MARS1: variants seen among roughly 807,000 people sequenced by gnomAD.
MARS1 encodes methionyl-tRNA synthetase 1.
In MARS1, 80 loss-of-function variants were observed where a neutral mutation model predicts 119.5. That is an observed-to-expected ratio of 0.67 (90% CI 0.56 to 0.81). The LOEUF is 0.81. Among genes scored for constraint, MARS1 ranks in the 30% least tolerant of loss-of-function variants. The pLI is 0.00. For missense variants in MARS1, 945 were observed against 1,116.5 expected, an observed-to-expected ratio of 0.85 and a Z score of 2.19; for synonymous variants, 418 against 433.4, an observed-to-expected ratio of 0.96 and a Z score of 0.44.
chr12:57,506,264 G>C (rs1234247323), intron 11 of MARS1, among the ~76,000 whole-genome samples: 1 of 151,662 alleles, frequency 6.6e-6, no homozygotes, highest in Non-Finnish European at 1.5e-5. Flanking sequence ...GTATCAAAAA[G>C]AAAAAAAGAA....
At chr12:57,513,096 A>G (rs1043829339) in intron 15 of MARS1, 132 bp downstream of exon 15, 15 of 716,392 alleles carry the variant, frequency 2.1e-5, no homozygotes, top group Admixed American at 4.5e-5. Flanking sequence ...GTTGATTTCT[A>G]TTAATTGGGA....
chr12:57,495,382 G>C (rs1876558033), intron 7 of MARS1, among the ~76,000 whole-genome samples: 1 of 145,920 alleles, frequency 6.9e-6, no homozygotes, highest in East Asian at 1.9e-4. Flanking sequence ...CCGGGCAGAG[G>C]CGCTCCTCAC....
chr12:57,515,498 C>T, intron 18 of MARS1, 162 bp downstream of exon 18: 1 of 669,014 alleles, frequency 1.5e-6, no homozygotes, highest in South Asian at 1.9e-5. Flanking sequence ...CCGGAATTAT[C>T]TGTACATCTT....
chr12:57,490,070 C>G (rs1303138713), intron 5 of MARS1, 99 bp downstream of exon 5: 8 of 1,430,468 alleles, frequency 5.6e-6, no homozygotes, highest in Non-Finnish European at 7.9e-6. Context: ...TACAGCTTGA[C>G]TGGGCAACTA....
At chr12:57,488,553 T>C in intron 1 of MARS1, 2 of 1,547,128 alleles carry the variant, frequency 1.3e-6, no homozygotes, top group Non-Finnish European at 1.7e-6. Context: ...CACCCTTTTG[T>C]GTTCTTAGGA....
chr12:57,498,480 A>G lies in MARS1; in HGVS notation c.948A>G (p.Thr316=). 6.2e-7 allele frequency: 1 copy of G among 1,614,236 alleles called. No homozygotes were observed. The highest frequency in any genetic ancestry group is 8.5e-7 in the Non-Finnish European group (1 of 1,180,036). ...LYLCGTDEYG[T]ATETKALEEG... ...TGTGTGGGACAGATGAGTATGGTAC[A>G]GCAACAGAGACCAAGGCTCTGGAGG... Residue 316 remains threonine, a synonymous_variant, in exon 9 of 21, where the codon ACA becomes ACG. Coordinates refer to ENST00000262027, the MANE Select transcript of MARS1 (RefSeq NM_004990.4).
chr12:57,513,385 G>C (rs1877616631), intron 15 of MARS1, among the ~76,000 whole-genome samples: 1 of 152,058 alleles, frequency 6.6e-6, no homozygotes, highest in South Asian at 2.1e-4. Flanking sequence ...TTGGGAGGCT[G>C]AGGCAGGAGG....
chr12:57,488,284 C>T, intron 1 of MARS1, 85 bp downstream of exon 1: 1 of 1,310,492 alleles, frequency 7.6e-7, no homozygotes, highest in Non-Finnish European at 1.1e-6. Flanking sequence ...TTGCCAAACC[C>T]CTAGCCCTCG....
chr12:57,512,541 A>C (rs1877571736), intron 14 of MARS1, 188 bp downstream of exon 14: 6 of 643,696 alleles, frequency 9.3e-6, no homozygotes, highest in Non-Finnish European at 1.6e-5. Context: ...CTAAAGCTAA[A>C]ACTCTTTAGT....
chr12:57,493,932 T>A (rs1212327886), intron 7 of MARS1, among the ~76,000 whole-genome samples: 2 of 66,184 alleles, frequency 3.0e-5, no homozygotes, highest in African/African-American at 7.1e-5. Context: ...TAATATATAT[T>A]ATATATTATA....
chr12:57,493,403 T>A (rs58533497), intron 7 of MARS1, among the ~76,000 whole-genome samples: 2 of 1,214 alleles, frequency 1.6e-3, no homozygotes, highest in African/African-American at 2.0e-3. Flanking sequence ...ATATAATATA[T>A]GTTATATAAT....
chr12:57,495,924 G>A (rs1012015764), intron 7 of MARS1, among the ~76,000 whole-genome samples: 3 of 152,254 alleles, frequency 2.0e-5, no homozygotes, highest in Non-Finnish European at 4.4e-5. Context: ...CAGGCAGGGA[G>A]GTTGCAGTGA....
At chr12:57,498,767 A>G in intron 9 of MARS1, 144 bp downstream of exon 9, 2 of 751,934 alleles carry the variant, frequency 2.7e-6, no homozygotes, top group African/African-American at 1.7e-5. Flanking sequence ...GCAGTTATCC[A>G]GGCATTTTTG....
At chr12:57,514,884 G>T in intron 16 of MARS1, 33 bp downstream of exon 16, 1 of 1,613,198 alleles carries the variant, frequency 6.2e-7, no homozygotes, top group Non-Finnish European at 8.5e-7. Context: ...TTTTCTGCTG[G>T]CATGTTGAGA....
At chr12:57,494,649 C>G (rs1293391741) in intron 7 of MARS1, among the ~76,000 whole-genome samples, 1 of 151,782 alleles carries the variant, frequency 6.6e-6, no homozygotes, top group Non-Finnish European at 1.5e-5. Context: ...GCAGAGGACC[C>G]TGCAGCCTTC....
chr12:57,490,962 C>T (rs1261256418), intron 7 of MARS1, among the ~76,000 whole-genome samples: 2 of 150,224 alleles, frequency 1.3e-5, no homozygotes, highest in Non-Finnish European at 3.0e-5. Flanking sequence ...CTGCAACCTC[C>T]GCCTCCCGGG....
At chr12:57,489,385 T>C (rs1565636760) in intron 3 of MARS1, 39 bp from the exon 4 acceptor site, 6 of 1,614,074 alleles carry the variant, frequency 3.7e-6, no homozygotes, top group Non-Finnish European at 5.1e-6. Context: ...AGGCCCTTGT[T>C]CTGCGTGGCC....
At position 57,514,790 on chromosome 12, in the gene MARS1, C is replaced by A; in HGVS notation, c.2038C>A (p.Arg680Ser). 1 of 1,614,192 alleles carries A rather than the reference C, an allele frequency of 6.2e-7. No individual in the cohort carries two copies. Among genetic ancestry groups the A allele is most frequent in the Non-Finnish European group, 8.5e-7 (1 of 1,180,032 alleles). Reference protein sequence around the residue: ...PEMVLTPDDQRLLAHVTLELQ... With the variant: ...PEMVLTPDDQSLLAHVTLELQ... ...GATGGTGCTCACCCCTGATGATCAG[C>A]GCCTGCTGGCCCATGTCACCCTGGA... is the stretch of plus-strand genomic sequence containing the variant. The change falls in exon 16 of 21, where the codon CGC becomes AGC. Residue 680 changes from arginine to serine, a missense_variant. Physicochemically the swap from Arg to Ser is moderately radical, Grantham distance 110. Coordinates refer to ENST00000262027, the MANE Select transcript of MARS1 (RefSeq NM_004990.4).
rs769353451 is a variant in MARS1 at position 57,511,998 on chromosome 12, T to C, written c.1540-10T>C. ...GGTCCCTAACATGTTTACCTCCTTC[T>C]GACCTCCAGGTATTCTATGTCTGGT... is the stretch of plus-strand genomic sequence containing the variant. On this transcript the variant is annotated splice_polypyrimidine_tract_variant and intron_variant, in intron 12 of 20. Coordinates refer to ENST00000262027, the MANE Select transcript of MARS1 (RefSeq NM_004990.4). 1 of 1,613,376 alleles carries C rather than the reference T, an allele frequency of 6.2e-7. No homozygotes were observed. Among genetic ancestry groups the C allele is most frequent in the East Asian group, 2.2e-5 (1 of 44,888 alleles).
Sources: allele counts gnomAD v4.1 joint callset (sites outside exome capture counted in the v4.1 genomes callset), GRCh38; gene constraint gnomAD v4.1.1; transcripts MANE v1.5; gene names NCBI Gene and HGNC (gene_info 2026-07-23, HGNC 2026-07-21).